Variants in ZDHHC13 observed in about 807,000 individuals in gnomAD.
ZDHHC13 encodes palmitoyltransferase ZDHHC13.
A neutral mutation model predicts 86.0 loss-of-function variants in ZDHHC13; 85 were observed. The ratio of observed to expected loss-of-function variants is 0.99; its 90% CI spans 0.83 to 1.18. The LOEUF is 1.18. ZDHHC13 is among the 50% of genes most tolerant of loss of function. The pLI, the probability that ZDHHC13 is intolerant of heterozygous loss-of-function variation, is 0.00. For synonymous variants in ZDHHC13, 263 were observed against 246.4 expected, an observed-to-expected ratio of 1.07 and a Z score of -0.63; for missense variants, 711 against 730.2, an observed-to-expected ratio of 0.97 and a Z score of 0.30.
intron 3 of ZDHHC13, 102 bp downstream of exon 3, chr11:19,146,405 G>C: frequency 1.5e-6 from 2 of 1,333,028 alleles, no homozygotes; most frequent in Non-Finnish European, 2.0e-6. Context: ...TGTAATCCTC[G>C]TGTAAAAGAA....
rs1565028049 is a variant in ZDHHC13 at position 19,143,014 on chromosome 11, T to G, written c.64T>G (p.Phe22Val). 6.2e-7 allele frequency: 1 copy of G among 1,611,848 alleles called. No homozygotes were observed. The highest frequency in any genetic ancestry group is 8.5e-7 in the Non-Finnish European group (1 of 1,178,896). ...NHSHGPHPPG[F>V]GRYGICAHEN... Reference sequence around the variant, plus strand: ...CAGCCATGGCCCCCACCCTCCAGGATTTGGTCGATATGGCATCTGTGCACA... The same window carrying G: ...CAGCCATGGCCCCCACCCTCCAGGAGTTGGTCGATATGGCATCTGTGCACA... The change falls in exon 2 of 17, where the codon TTT (phenylalanine) becomes GTT (valine). Residue 22 changes from phenylalanine (F) to valine (V), a missense_variant. By Grantham distance (50) the Phe-to-Val change is conservative. Coordinates refer to ENST00000446113, the MANE Select transcript of ZDHHC13 (RefSeq NM_019028.3).
At chr11:19,164,437 C>A in intron 12 of ZDHHC13, 74 bp downstream of exon 12, 1 of 1,394,488 alleles carries the variant, frequency 7.2e-7, no homozygotes, top group Non-Finnish European at 1.0e-6. Flanking sequence ...AAGCATTTGT[C>A]AGATCTTCAT....
At chr11:19,139,083 G>A (rs1402855062) in intron 1 of ZDHHC13, among the ~76,000 whole-genome samples, 1 of 152,040 alleles carries the variant, frequency 6.6e-6, no homozygotes, top group Non-Finnish European at 1.5e-5. Context: ...GTAGGAGAAG[G>A]AAATAAAGGG....
chr11:19,155,556 G>C (rs1190200113), intron 8 of ZDHHC13, among the ~76,000 whole-genome samples: 2 of 147,850 alleles, frequency 1.4e-5, no homozygotes, highest in African/African-American at 5.1e-5. Flanking sequence ...GCTCCAGCCT[G>C]GGCAACAAGA....
intron 13 of ZDHHC13, among the ~76,000 whole-genome samples, chr11:19,165,469 A>C (rs11025040): frequency 0.11 from 17,485 of 152,232 alleles, 1,193 homozygotes; most frequent in Non-Finnish European, 0.14. Flanking sequence ...CCTGATTCCA[A>C]TGGGTGTTGT....
intron 1 of ZDHHC13, among the ~76,000 whole-genome samples, chr11:19,141,062 A>G: frequency 6.6e-6 from 1 of 151,802 alleles, no homozygotes; most frequent in Admixed American, 6.6e-5. Context: ...ACTTTAAAGT[A>G]GTATAATAAT....
chr11:19,151,565 A>G (rs780290800), intron 6 of ZDHHC13, among the ~76,000 whole-genome samples: 5 of 152,048 alleles, frequency 3.3e-5, no homozygotes, highest in Non-Finnish European at 7.4e-5. Context: ...ATCTCTATAA[A>G]GATATTGATA....
chr11:19,129,968 G>C (rs999069760), intron 1 of ZDHHC13, among the ~76,000 whole-genome samples: 1 of 152,128 alleles, frequency 6.6e-6, no homozygotes, highest in African/African-American at 2.4e-5. Context: ...CGCATCTGTA[G>C]TCCCAGCTGC....
chr11:19,160,567 A>G (rs1340766105), intron 10 of ZDHHC13, among the ~76,000 whole-genome samples: 2 of 152,000 alleles, frequency 1.3e-5, no homozygotes, highest in East Asian at 3.8e-4. Flanking sequence ...CAGTGGAATA[A>G]AACAGTTTTA....
chr11:19,146,120 A>C, intron 2 of ZDHHC13, 61 bp from the exon 3 acceptor site: 1 of 1,486,934 alleles, frequency 6.7e-7, no homozygotes, highest in African/African-American at 1.4e-5. Flanking sequence ...AAAGTGAAGA[A>C]ATTTTGATAT....
chr11:19,150,983 T>C (rs552175601), intron 6 of ZDHHC13, among the ~76,000 whole-genome samples, 192 bp downstream of exon 6: 38 of 152,104 alleles, frequency 2.5e-4, no homozygotes, highest in Non-Finnish European at 4.9e-4. Context: ...ATACATTTTC[T>C]CTTTTCTGAT....
At chr11:19,151,930 A>G (rs1425826657) in intron 6 of ZDHHC13, among the ~76,000 whole-genome samples, 1 of 152,126 alleles carries the variant, frequency 6.6e-6, no homozygotes, top group East Asian at 1.9e-4. Flanking sequence ...ATTCCACTGC[A>G]TTGTTAAAAT....
intron 1 of ZDHHC13, among the ~76,000 whole-genome samples, chr11:19,135,862 C>T (rs1297994790): frequency 1.8e-4 from 28 of 152,130 alleles, no homozygotes; most frequent in Admixed American, 1.8e-3. Flanking sequence ...AGCTGAGGGT[C>T]CTGTCTGTTA....
chr11:19,135,535 A>G (rs1034834461), intron 1 of ZDHHC13, among the ~76,000 whole-genome samples: 3 of 152,236 alleles, frequency 2.0e-5, no homozygotes, highest in African/African-American at 7.2e-5. Context: ...GAGGTAAACA[A>G]AGCAGCCGGG....
intron 13 of ZDHHC13, among the ~76,000 whole-genome samples, chr11:19,165,669 T>C (rs1339442389): frequency 6.6e-6 from 1 of 152,240 alleles, no homozygotes; most frequent in Non-Finnish European, 1.5e-5. Flanking sequence ...GATTGTGGGT[T>C]GCCACTCTTT....
chr11:19,152,351 A>G (rs1849634067), intron 7 of ZDHHC13, 31 bp downstream of exon 7: 1 of 1,602,672 alleles, frequency 6.2e-7, no homozygotes, highest in Non-Finnish European at 8.5e-7. Flanking sequence ...CCCTTAGTTT[A>G]TTATATCTTG....
intron 14 of ZDHHC13, 32 bp from the exon 15 acceptor site, chr11:19,170,375 CTTTT>C (rs55637113): frequency 3.5e-3 from 4,290 of 1,219,034 alleles, no homozygotes; most frequent in East Asian, 0.012. Flanking sequence ...AGTTTATTGC[CTTTT>C]TTTTTTTTTT....
chr11:19,160,640 G>GA (rs1849884295), intron 10 of ZDHHC13, among the ~76,000 whole-genome samples: 1 of 151,780 alleles, frequency 6.6e-6, no homozygotes, highest in South Asian at 2.1e-4. Context: ...CACAAATATT[G>GA]AATTATTTCA....
intron 1 of ZDHHC13, among the ~76,000 whole-genome samples, chr11:19,126,338 TTTTC>T (rs1848875334): frequency 2.4e-5 from 2 of 81,750 alleles, no homozygotes; most frequent in African/African-American, 3.3e-5. Context: ...TTTCTTTTCT[TTTTC>T]TTTTTTTTTT....
Sources: gnomAD v4.1 joint callset for allele counts (sites outside exome capture counted in the v4.1 genomes callset) on GRCh38, gnomAD v4.1.1 for gene constraint, MANE v1.5 for transcripts, NCBI Gene and HGNC (gene_info 2026-07-23, HGNC 2026-07-21) for gene names.